The following HEATR4 variants were observed in gnomAD, a reference collection of about 807,000 sequenced individuals.
HEATR4 encodes the protein HEAT repeat-containing protein 4.
HEATR4 carries 95 observed loss-of-function variants against 108.8 expected under a neutral mutation model. The ratio of observed to expected loss-of-function variants is 0.87; its 90% CI spans 0.74 to 1.04. The LOEUF (loss-of-function observed/expected upper bound fraction) is 1.04, where lower values mean the gene tolerates loss of function less well. HEATR4 is among the 50% of genes least tolerant of loss of function. The pLI is 0.00. For missense variants in HEATR4, 1,152 were observed against 1,253.8 expected (o/e 0.92, Z 1.23); for synonymous variants, 443 against 459.4 (o/e 0.96, Z 0.46).
At position 73,509,472 on chromosome 14, in the gene HEATR4, G is replaced by T. The variant is rs369782421; in HGVS notation, c.1560C>A (p.Asp520Glu). The T allele has an allele frequency of 1.9e-6, 3 of 1,613,646 alleles. No individual in the cohort carries two copies. Among genetic ancestry groups the T allele is most frequent in the Non-Finnish European group, 2.5e-6 (3 of 1,179,984 alleles). The change falls in exon 8 of 18, where the codon GAC (aspartate) becomes GAA (glutamate). Residue 520 changes from aspartate to glutamate, a missense_variant and splice_region_variant. Asp to Glu is a conservative substitution (Grantham distance 45, BLOSUM62 2). Transcript: ENST00000553558. ...CCTCCGGCAAGTCCTGGATGGTCTT[G>T]TCTGTGATCAAAAGAGCCAGGTAAG... ...PRIATSQRDSDKTIQDLPEVL... is the reference protein window; with the variant it reads ...PRIATSQRDSEKTIQDLPEVL...
At chr14:73,497,461 T>C (rs1886174612) in intron 14 of HEATR4, among the ~76,000 whole-genome samples, 1 of 152,220 alleles carries the variant, frequency 6.6e-6, no homozygotes, top group South Asian at 2.1e-4. Context: ...CACCTGCATT[T>C]GATACATGAA....
At chr14:73,544,534 G>A (rs1327622951) in intron 1 of HEATR4, among the ~76,000 whole-genome samples, 1 of 115,288 alleles carries the variant, frequency 8.7e-6, no homozygotes, top group Non-Finnish European at 1.9e-5. Context: ...TAAATTTTAT[G>A]TTCCTGTTTA....
chr14:73,621,042 T>C, the HEATR4 span, among the ~76,000 whole-genome samples: 1 of 151,774 alleles, frequency 6.6e-6, no homozygotes, highest in African/African-American at 2.4e-5. Flanking sequence ...TGAAACCTAG[T>C]GTCTACTAAA....
chr14:73,597,644 A>C, the HEATR4 span, among the ~76,000 whole-genome samples: 2 of 123,056 alleles, frequency 1.6e-5, no homozygotes, highest in African/African-American at 3.3e-5. Flanking sequence ...CCCAGGCTGG[A>C]GTGCAATAGC....
At chr14:73,491,352 C>G in intron 17 of HEATR4, 1 of 1,434,646 alleles carries the variant, frequency 7.0e-7, no homozygotes, top group Non-Finnish European at 9.1e-7. Context: ...TCGCCCGCCG[C>G]GCGCTCCCTG....
chr14:73,490,989 C>G (rs766431165), intron 17 of HEATR4: 16 of 1,337,246 alleles, frequency 1.2e-5, no homozygotes, highest in East Asian at 3.0e-5. Context: ...CCCGGCCGGC[C>G]GGGCGGGGAA....
chr14:73,504,224 T>C (rs1367018106), intron 10 of HEATR4, among the ~76,000 whole-genome samples: 1 of 151,260 alleles, frequency 6.6e-6, no homozygotes, highest in Non-Finnish European at 1.5e-5. Flanking sequence ...ATTATGGGCA[T>C]GTGCCACCAA....
Position 73,522,729 on chromosome 14 carries a change from C to T in HEATR4, c.424G>A (p.Ala142Thr), listed in dbSNP as rs374098484. The T allele has an allele frequency of 6.2e-7, 1 of 1,614,206 alleles. No homozygotes were observed. The highest frequency in any genetic ancestry group is 8.5e-7 in the Non-Finnish European group (1 of 1,180,042). ...TTCTTCAGCTTCTTTTCGGGATTGGCAGAGCTTTCTGTCTTCACAGCCAGG... is the reference window on the plus strand; with the variant it reads ...TTCTTCAGCTTCTTTTCGGGATTGGTAGAGCTTTCTGTCTTCACAGCCAGG... ...TSLAVKTESS[A>T]NPEKKLKKSK... Residue 142 changes from alanine to threonine, a missense_variant, in exon 3 of 18, where the codon GCC becomes ACC. Transcript: ENST00000553558.
At chr14:73,495,117 T>C (rs4519287) in intron 16 of HEATR4, 111 bp downstream of exon 16, 233,132 of 882,058 alleles carry the variant, frequency 0.26, 32,831 homozygotes, top group South Asian at 0.39. Context: ...AGAGTACCCT[T>C]TCCTGACTCT....
At chr14:73,540,745 T>C (rs1889052006) in intron 1 of HEATR4, among the ~76,000 whole-genome samples, 2 of 56,012 alleles carry the variant, frequency 3.6e-5, no homozygotes, top group Non-Finnish European at 5.5e-5. Flanking sequence ...TTGCATTCTT[T>C]TTTTTTTTTT....
At chr14:73,528,416 T>TAAAAAAAAA (rs1595144123) in intron 2 of HEATR4, among the ~76,000 whole-genome samples, 1 of 98,170 alleles carries the variant, frequency 1.0e-5, no homozygotes, top group Non-Finnish European at 2.1e-5. Flanking sequence ...AAAAAAAAAC[T>TAAAAAAAAA]TAAGGAATAG....
rs1840647432 is a variant in HEATR4, at chr14:73,552,876, T to C, written c.-152+5875A>G. Among the ~76,000 whole-genome samples, 3 of 93,926 alleles carry C rather than the reference T, an allele frequency of 3.2e-5. 1 individual carries two copies. The highest frequency in any genetic ancestry group is 1.5e-3 in the East Asian group (2 of 1,330). The allele number at this position is 93,926 out of a possible 152,430, so 61.6% of individuals were successfully genotyped here. ...GTCTGAGGCCCCTGACCCCTACACC[T>C]CTTGGGTGCCACCCAGGCCTGTCTG... On this transcript the variant is annotated intron_variant, in intron 1 of 17. Transcript: ENST00000553558.
chr14:73,586,495 G>A, the HEATR4 span, among the ~76,000 whole-genome samples: 83 of 152,064 alleles, frequency 5.5e-4, no homozygotes, highest in Middle Eastern at 3.4e-3. Flanking sequence ...ACCTGAGGTC[G>A]GGAGTTGGAG....
At chr14:73,508,034 C>T in intron 9 of HEATR4, 100 bp downstream of exon 9, 1 of 1,161,836 alleles carries the variant, frequency 8.6e-7, no homozygotes, top group African/African-American at 1.5e-5. Flanking sequence ...GCATAAGCCA[C>T]TGCCCCGGCC....
intron 1 of HEATR4, among the ~76,000 whole-genome samples, chr14:73,544,704 A>C (rs1889204539): frequency 8.7e-6 from 1 of 115,288 alleles, no homozygotes; most frequent in South Asian, 2.7e-4. Context: ...TGGGAGGCCA[A>C]CGCTGGTGGA....
the HEATR4 span, among the ~76,000 whole-genome samples, chr14:73,621,167 C>G: frequency 6.6e-6 from 1 of 152,032 alleles, no homozygotes; most frequent in Admixed American, 6.6e-5. Flanking sequence ...GAGCCGAGAT[C>G]GCGCCACTGC....
the HEATR4 span, among the ~76,000 whole-genome samples, chr14:73,578,231 CTT>C: frequency 1.5e-4 from 21 of 139,306 alleles, no homozygotes; most frequent in Non-Finnish European, 1.4e-4. Context: ...GACATTTCAT[CTT>C]TTTTTTTTTT....
At position 73,479,010 on chromosome 14, in the gene HEATR4, C is replaced by T. The variant is rs541390947; in HGVS notation, c.2845-168G>A. Among the ~76,000 whole-genome samples, 256 of 152,190 alleles carry T rather than the reference C, an allele frequency of 1.7e-3. 2 individuals are homozygous for T. The highest frequency in any genetic ancestry group is 8.1e-3 in the South Asian group (39 of 4,820). On this transcript the variant is annotated intron_variant, in intron 17 of 17. Transcript: ENST00000553558. ...CTGGAGTTCAGTGGCGCAATCTCGG[C>T]TTACTGCAATCTCCGACTCCCGGGT...
the HEATR4 span, among the ~76,000 whole-genome samples, chr14:73,590,598 G>A: frequency 6.6e-6 from 1 of 152,210 alleles, no homozygotes; most frequent in Non-Finnish European, 1.5e-5. Context: ...CAGGCATGGC[G>A]GGCTGCAGGT....
Sources: gnomAD v4.1 joint callset for allele counts (sites outside exome capture counted in the v4.1 genomes callset) on GRCh38, gnomAD v4.1.1 for gene constraint, MANE v1.5 for transcripts, NCBI Gene and HGNC (gene_info 2026-07-23, HGNC 2026-07-21) for gene names.